The following DAB1 variants were observed in gnomAD, a reference collection of about 807,000 sequenced individuals.
DAB1 encodes the protein disabled homolog 1.
A neutral mutation model predicts 64.6 loss-of-function variants in DAB1; 15 were observed. That is an observed-to-expected ratio of 0.23 (90% CI 0.16 to 0.36). The LOEUF (loss-of-function observed/expected upper bound fraction) is 0.36. DAB1 is among the 10% of genes least tolerant of loss of function. The probability of loss-of-function intolerance (pLI) is 1.00; values close to 1 mark genes in which losing one functional copy is unlikely to be tolerated. For synonymous variants in DAB1, 235 were observed against 251.9 expected, an observed-to-expected ratio of 0.93 and a Z score of 0.64; for missense variants, 596 against 706.7, an observed-to-expected ratio of 0.84 and a Z score of 1.78.
At chr1:57,194,913 G>T (rs1456189511) in intron 2 of DAB1, among the ~76,000 whole-genome samples, 1 of 152,228 alleles carries the variant, frequency 6.6e-6, no homozygotes, top group East Asian at 1.9e-4. Flanking sequence ...TTTATAGACA[G>T]ATGGAGGGAC....
chr1:57,397,766 C>A (rs563405421), intron 1 of DAB1, among the ~76,000 whole-genome samples: 1 of 152,376 alleles, frequency 6.6e-6, no homozygotes, highest in African/African-American at 2.4e-5. Flanking sequence ...TAACTTAAAT[C>A]AACTACTTCC....
At chr1:58,221,121 CACAT>C (rs1489936710) in intron 4 of DAB1, among the ~76,000 whole-genome samples, 1 of 151,420 alleles carries the variant, frequency 6.6e-6, no homozygotes, top group African/African-American at 2.4e-5. Flanking sequence ...TGTACACACA[CACAT>C]ACACACATGC....
chr1:57,918,896 C>T (rs1344011235), intron 5 of DAB1, among the ~76,000 whole-genome samples: 1 of 152,128 alleles, frequency 6.6e-6, no homozygotes, highest in South Asian at 2.1e-4. Flanking sequence ...TCCACTAGGC[C>T]CCACTTCCCA....
chr1:57,486,924 A>G (rs1304360187), intron 7 of DAB1, among the ~76,000 whole-genome samples: 3 of 151,942 alleles, frequency 2.0e-5, no homozygotes, highest in Admixed American at 6.6e-5. Flanking sequence ...CTATAAATAT[A>G]CACATTTACT....
At chr1:57,515,795 T>C (rs1456521386) in intron 7 of DAB1, among the ~76,000 whole-genome samples, 2 of 152,254 alleles carry the variant, frequency 1.3e-5, no homozygotes, top group Admixed American at 6.5e-5. Flanking sequence ...GATAAGGACA[T>C]GGCCCTTGCC....
intron 4 of DAB1, among the ~76,000 whole-genome samples, chr1:57,096,949 C>T (rs183797085): frequency 6.6e-6 from 1 of 152,234 alleles, no homozygotes; most frequent in African/African-American, 2.4e-5. Context: ...GATCACAGCC[C>T]TTGCCCCATG....
At chr1:57,383,342 G>A (rs1032515838) in intron 1 of DAB1, among the ~76,000 whole-genome samples, 4 of 152,064 alleles carry the variant, frequency 2.6e-5, no homozygotes, top group Non-Finnish European at 5.9e-5. Flanking sequence ...CTCAGGTTGG[G>A]GTATTTTGGC....
intron 4 of DAB1, among the ~76,000 whole-genome samples, chr1:58,268,739 T>C (rs1249049485): frequency 1.3e-5 from 2 of 152,184 alleles, no homozygotes; most frequent in Non-Finnish European, 2.9e-5. Context: ...ACAATGATAA[T>C]TTTTGGGAAA....
At chr1:57,968,029 T>C (rs1322950337) in intron 5 of DAB1, among the ~76,000 whole-genome samples, 2 of 152,202 alleles carry the variant, frequency 1.3e-5, no homozygotes, top group Non-Finnish European at 2.9e-5. Flanking sequence ...AAATGATATT[T>C]TATTCTTATC....
At chr1:58,289,291 T>C (rs1360944993) in intron 4 of DAB1, among the ~76,000 whole-genome samples, 2 of 152,202 alleles carry the variant, frequency 1.3e-5, no homozygotes, top group Admixed American at 6.5e-5. Context: ...ATAAAGATAA[T>C]ATGATGGCTG....
At chr1:57,061,076 G>A (rs1414932647) in intron 9 of DAB1, among the ~76,000 whole-genome samples, 1 of 152,088 alleles carries the variant, frequency 6.6e-6, no homozygotes, top group African/African-American at 2.4e-5. Flanking sequence ...GCCTGATGAG[G>A]TGCAAAGGCC....
At chr1:58,294,903 T>TGTGTGG (rs1661933405) in intron 4 of DAB1, among the ~76,000 whole-genome samples, 1 of 148,682 alleles carries the variant, frequency 6.7e-6, no homozygotes. Context: ...TGTGTGTGTG[T>TGTGTGG]TTGCAAGTGT....
chr1:58,298,433 G>C (rs1662040836), intron 4 of DAB1, among the ~76,000 whole-genome samples: 1 of 152,106 alleles, frequency 6.6e-6, no homozygotes, highest in African/African-American at 2.4e-5. Context: ...AAATCCTGTT[G>C]GAATAGGAAT....
chr1:57,964,408 AG>A (rs1335865968), intron 5 of DAB1, among the ~76,000 whole-genome samples: 1 of 152,208 alleles, frequency 6.6e-6, no homozygotes, highest in Non-Finnish European at 1.5e-5. Context: ...GAACCTTATG[AG>A]GTCAGTAACT....
chr1:57,889,906 G>A (rs533777765), intron 5 of DAB1, among the ~76,000 whole-genome samples: 17 of 127,022 alleles, frequency 1.3e-4, no homozygotes, highest in Admixed American at 3.3e-4. Flanking sequence ...GGGCGGGGGG[G>A]GGGGAGGGGG....
At chr1:57,918,910 C>T (rs1367643488) in intron 5 of DAB1, among the ~76,000 whole-genome samples, 2 of 152,190 alleles carry the variant, frequency 1.3e-5, no homozygotes, top group Non-Finnish European at 2.9e-5. Context: ...CTTCCCAATA[C>T]CACCACATTG....
chr1:58,415,881 G>C (rs1213201488), intron 3 of DAB1, among the ~76,000 whole-genome samples: 1 of 152,176 alleles, frequency 6.6e-6, no homozygotes, highest in Non-Finnish European at 1.5e-5. Flanking sequence ...AAGTCGCTCT[G>C]CTTCAATTTC....
intron 4 of DAB1, among the ~76,000 whole-genome samples, chr1:58,321,572 T>A (rs147857029): frequency 0.018 from 2,670 of 152,344 alleles, 77 homozygotes; most frequent in African/African-American, 0.056. Flanking sequence ...ACTGTGCTTT[T>A]CCAACAGTCT....
intron 1 of DAB1, among the ~76,000 whole-genome samples, chr1:57,313,741 A>G (rs575320785): frequency 6.6e-6 from 1 of 152,306 alleles, no homozygotes; most frequent in East Asian, 1.9e-4. Flanking sequence ...TCCATAGACA[A>G]TGTTTATGCC....
Sources: gnomAD v4.1 joint callset for allele counts (sites outside exome capture counted in the v4.1 genomes callset) on GRCh38, gnomAD v4.1.1 for gene constraint, MANE v1.5 for transcripts, NCBI Gene and HGNC (gene_info 2026-07-23, HGNC 2026-07-21) for gene names.